The following LRRIQ1 variants were observed in gnomAD, a reference collection of about 807,000 sequenced individuals.
LRRIQ1 encodes the protein leucine-rich repeat- and IQ domain-containing protein 1.
Under a neutral mutation model 211.9 loss-of-function variants are expected in LRRIQ1, and 210 were observed. The observed-to-expected ratio is 0.99, with a 90% CI of 0.89 to 1.11. LRRIQ1 has a LOEUF of 1.11. Ranked by LOEUF, LRRIQ1 falls within the 50% of genes most tolerant of loss-of-function variation. The pLI is 0.00. For synonymous variants in LRRIQ1, 699 were observed against 650.1 expected, an observed-to-expected ratio of 1.08 and a Z score of -1.14; for missense variants, 2,136 against 1,939.5, an observed-to-expected ratio of 1.10 and a Z score of -1.90.
chr12:85,168,190 C>A (rs986981223), intron 24 of LRRIQ1, among the ~76,000 whole-genome samples: 1 of 152,104 alleles, frequency 6.6e-6, no homozygotes, highest in African/African-American at 2.4e-5. Flanking sequence ...AGGAGTGAAC[C>A]AAACCTTCAT....
At chr12:85,131,047 C>G (rs1294902754) in intron 18 of LRRIQ1, among the ~76,000 whole-genome samples, 2 of 109,960 alleles carry the variant, frequency 1.8e-5, no homozygotes, top group Non-Finnish European at 3.3e-5. Flanking sequence ...TTCATCTCTA[C>G]TAAAAAAAAA....
chr12:85,121,530 G>A (rs1256962066), intron 15 of LRRIQ1, among the ~76,000 whole-genome samples, 167 bp from the exon 16 acceptor site: 1 of 152,072 alleles, frequency 6.6e-6, no homozygotes, highest in East Asian at 1.9e-4. Context: ...TTAAAGAAAT[G>A]TAACAACAAC....
At chr12:85,226,816 A>G (rs1267858226) in intron 24 of LRRIQ1, among the ~76,000 whole-genome samples, 1 of 151,502 alleles carries the variant, frequency 6.6e-6, no homozygotes, top group Non-Finnish European at 1.5e-5. Flanking sequence ...GCTCAGAATG[A>G]TGGTTTCCAG....
intron 24 of LRRIQ1, among the ~76,000 whole-genome samples, chr12:85,163,164 C>T (rs1890984382): frequency 6.6e-6 from 1 of 152,148 alleles, no homozygotes; most frequent in South Asian, 2.1e-4. Flanking sequence ...AGAGTGCCTC[C>T]TGAACCCAAT....
intron 24 of LRRIQ1, among the ~76,000 whole-genome samples, chr12:85,225,593 G>A (rs1479533550): frequency 6.6e-6 from 1 of 152,142 alleles, no homozygotes; most frequent in African/African-American, 2.4e-5. Context: ...AGTAGTAACT[G>A]GAGGACAGCA....
chr12:85,227,069 G>T (rs1275371999), intron 24 of LRRIQ1, among the ~76,000 whole-genome samples: 1 of 49,388 alleles, frequency 2.0e-5, no homozygotes, highest in Non-Finnish European at 3.4e-5. Flanking sequence ...GGGTCAAATG[G>T]TATTTCAAAT....
At chr12:85,130,757 G>C (rs748707950) in intron 18 of LRRIQ1, among the ~76,000 whole-genome samples, 1 of 152,086 alleles carries the variant, frequency 6.6e-6, no homozygotes, top group African/African-American at 2.4e-5. Context: ...AGAAACAACC[G>C]GGGCTTAAGA....
chr12:85,137,904 A>C lies in LRRIQ1; in HGVS notation c.4264A>C (p.Ile1422Leu), dbSNP rs763842615. 5 of 1,580,720 alleles carry C rather than the reference A, an allele frequency of 3.2e-6. No individual in the cohort carries two copies. Among genetic ancestry groups the C allele is most frequent in the Non-Finnish European group, 4.3e-6 (5 of 1,155,640 alleles). The change falls in exon 19 of 27, where the codon ATT becomes CTT. Residue 1422 changes from isoleucine (I) to leucine (L), a missense_variant. Physicochemically the swap from Ile to Leu is conservative, Grantham distance 5 (BLOSUM62 2). Transcript: ENST00000393217. ...GAAACTGACAACAGCTCTAGAGGCT[A>C]TTAAGAATGAAGAATCCGATGAAGA... ...RKKLTTALEA[I>L]KNEESDEEYR...
chr12:85,145,702 G>A (rs920097385), intron 19 of LRRIQ1, among the ~76,000 whole-genome samples: 1 of 151,670 alleles, frequency 6.6e-6, no homozygotes, highest in Non-Finnish European at 1.5e-5. Context: ...CTAAACGGCT[G>A]TTAGCAACCC....
chr12:85,115,648 A>G (rs1206819352), intron 15 of LRRIQ1, among the ~76,000 whole-genome samples: 2 of 152,168 alleles, frequency 1.3e-5, no homozygotes, highest in African/African-American at 4.8e-5. Context: ...ATCAGCATCT[A>G]TGACCAAAAT....
chr12:85,229,915 A>G (rs1481814124), intron 25 of LRRIQ1, among the ~76,000 whole-genome samples: 2 of 152,216 alleles, frequency 1.3e-5, no homozygotes, highest in Non-Finnish European at 2.9e-5. Context: ...TAAAGTAAAA[A>G]ATGTGGTATT....
intron 24 of LRRIQ1, among the ~76,000 whole-genome samples, chr12:85,227,825 T>A (rs1894739341): frequency 6.6e-6 from 1 of 152,024 alleles, no homozygotes; most frequent in Admixed American, 6.6e-5. Context: ...AAAACAGAGA[T>A]ATAGACTAAT....
rs1888488354 is a variant in LRRIQ1, at chr12:85,127,921, C to T, written c.4097C>T (p.Thr1366Ile). ...TCCACAAGGCTACATACTGCTGCAACAGAAGGCCTGCCAAATTCTTCCATC... is the reference window on the plus strand; with the variant it reads ...TCCACAAGGCTACATACTGCTGCAATAGAAGGCCTGCCAAATTCTTCCATC... ...HFSTRLHTAA[T>I]EGLPNSSIKN... The change falls in exon 18 of 27, where the codon ACA becomes ATA. Residue 1366 changes from threonine (T) to isoleucine (I), a missense_variant. Transcript: ENST00000393217. 3 of 1,613,938 alleles carry T rather than the reference C, an allele frequency of 1.9e-6. No individual in the cohort carries two copies. Among genetic ancestry groups the T allele is most frequent in the Non-Finnish European group, 2.5e-6 (3 of 1,179,940 alleles).
At chr12:85,160,577 G>A in intron 23 of LRRIQ1, 36 bp from the exon 24 acceptor site, 1 of 1,329,358 alleles carries the variant, frequency 7.5e-7, no homozygotes. Context: ...ATTAACCAAA[G>A]ATGAACTCTG....
At chr12:85,138,385 T>C (rs1367708589) in intron 19 of LRRIQ1, among the ~76,000 whole-genome samples, 3 of 151,574 alleles carry the variant, frequency 2.0e-5, no homozygotes, top group South Asian at 2.1e-4. Context: ...CCTCATCTTT[T>C]CTCTGTATTT....
downstream of LRRIQ1, among the ~76,000 whole-genome samples, chr12:85,245,629 T>C (rs1895682139): frequency 6.6e-6 from 1 of 150,908 alleles, no homozygotes; most frequent in Non-Finnish European, 1.5e-5. Context: ...AGCTGTATCT[T>C]GTGGTATTTC....
rs1470340980 is a variant in LRRIQ1, at chr12:85,069,576, A to G, written c.2695+2678A>G. ...CCACCAACAGTGTAAAAGTGTTCCT[A>G]TTTCTCCACATCCTCTCCAGCACTT... is the stretch of plus-strand genomic sequence containing the variant. On this transcript the variant is annotated intron_variant, in intron 10 of 26. Coordinates refer to ENST00000393217, the MANE Select transcript of LRRIQ1 (RefSeq NM_001079910.2). 5.3e-5 allele frequency among the ~76,000 whole-genome samples: 8 copies of G among 151,886 alleles called. No homozygotes were observed. In the East Asian group the frequency reaches 1.4e-3, roughly 26 times the overall value.
chr12:85,062,952 G>A (rs910460629), intron 8 of LRRIQ1, among the ~76,000 whole-genome samples: 1 of 151,824 alleles, frequency 6.6e-6, no homozygotes, highest in Non-Finnish European at 1.5e-5. Context: ...CTGATGAGTA[G>A]TGGTGTTGAG....
chr12:85,224,914 A>G (rs1017603923), intron 24 of LRRIQ1, among the ~76,000 whole-genome samples: 1 of 152,068 alleles, frequency 6.6e-6, no homozygotes, highest in Non-Finnish European at 1.5e-5. Flanking sequence ...AACCTATTAT[A>G]TAATAAGTTG....
Sources: gnomAD v4.1 joint callset for allele counts (sites outside exome capture counted in the v4.1 genomes callset) on GRCh38, gnomAD v4.1.1 for gene constraint, MANE v1.5 for transcripts, NCBI Gene and HGNC (gene_info 2026-07-23, HGNC 2026-07-21) for gene names.